NUP93: variants seen among roughly 807,000 people sequenced by gnomAD.
The protein encoded by NUP93 is nuclear pore complex protein Nup93.
Under a neutral mutation model 107.8 loss-of-function variants are expected in NUP93, and 55 were observed. The ratio of observed to expected loss-of-function variants is 0.51; its 90% CI spans 0.41 to 0.64. The LOEUF is 0.64. NUP93 is among the 30% of genes least tolerant of loss of function. The pLI, the probability that NUP93 is intolerant of heterozygous loss-of-function variation, is 0.00. For missense variants in NUP93, 937 were observed against 1,044.7 expected, an observed-to-expected ratio of 0.90 and a Z score of 1.42; for synonymous variants, 390 against 397.5, an observed-to-expected ratio of 0.98 and a Z score of 0.22.
intron 21 of NUP93, 21 bp from the exon 22 acceptor site, chr16:56,844,469 TTTCCTTCCC>T: frequency 7.5e-7 from 1 of 1,334,106 alleles, no homozygotes; most frequent in Non-Finnish European, 1.0e-6. Flanking sequence ...AGTTAACCGA[TTTCCTTCCC>T]TTCCTTCCCT....
intron 3 of NUP93, among the ~76,000 whole-genome samples, chr16:56,765,805 T>C (rs1444345379): frequency 6.6e-6 from 1 of 152,248 alleles, no homozygotes; most frequent in Admixed American, 6.5e-5. Context: ...AGAGGCAGGC[T>C]AATGTGCCAT....
intron 1 of NUP93, among the ~76,000 whole-genome samples, chr16:56,730,546 C>T (rs1303824210): frequency 2.0e-5 from 3 of 152,158 alleles, no homozygotes; most frequent in African/African-American, 7.2e-5. Flanking sequence ...GCCCACCCTG[C>T]CTAAGCCTGC....
intron 3 of NUP93, among the ~76,000 whole-genome samples, chr16:56,760,989 C>T (rs1962116901): frequency 1.3e-5 from 2 of 152,028 alleles, no homozygotes; most frequent in Admixed American, 6.6e-5. Flanking sequence ...CCAGAAACAA[C>T]TCACCTCTTC....
Position 56,849,536 on chromosome 16 carries a change from T to G in NUP93, c.*4927T>G, listed in dbSNP as rs777949532. The G allele has an allele frequency of 6.6e-6, 1 of 152,232 alleles. No homozygotes were observed. The highest frequency in any genetic ancestry group is 1.5e-5 in the Non-Finnish European group (1 of 68,050). 9.4% of individuals were successfully genotyped at this position (152,232 alleles called of 1,614,324 possible). A position where few individuals can be genotyped will look rare whatever the true frequency, so the allele number is the denominator to read the frequency against. On this transcript the variant is annotated 3_prime_UTR_variant, in exon 22 of 22. Transcript: ENST00000308159. ...GGACTTCAGCATCAGGACATATGCT[T>G]TGGTGGCCTCAGCAGACCTGGCCTA...
chr16:56,818,789 C>T (rs373180971), intron 6 of NUP93, 51 bp downstream of exon 6: 5 of 1,475,752 alleles, frequency 3.4e-6, no homozygotes, highest in Non-Finnish European at 4.7e-6. Flanking sequence ...TTGTGAACCT[C>T]TAGGGAGTAA....
chr16:56,808,736 T>TA (rs71149701), intron 5 of NUP93, among the ~76,000 whole-genome samples: 121,291 of 138,010 alleles, frequency 0.88, 53,608 homozygotes, highest in East Asian at 0.99. Flanking sequence ...AATACATATA[T>TA]AAAATACATA....
chr16:56,836,747 C>G (rs772135132), intron 17 of NUP93, 30 bp downstream of exon 17: 1 of 1,398,486 alleles, frequency 7.2e-7, no homozygotes, highest in Non-Finnish European at 1.0e-6. Flanking sequence ...TTCTTTTGCA[C>G]TTCACAGGTC....
intron 7 of NUP93, among the ~76,000 whole-genome samples, chr16:56,822,140 G>T (rs1292457747): frequency 6.6e-6 from 1 of 151,366 alleles, no homozygotes; most frequent in Non-Finnish European, 1.5e-5. Context: ...CTACTTGGTG[G>T]GTGGCTAGGA....
chr16:56,799,016 A>T (rs905231812), intron 4 of NUP93, among the ~76,000 whole-genome samples: 3 of 152,192 alleles, frequency 2.0e-5, no homozygotes, highest in African/African-American at 7.2e-5. Context: ...ACCATGCTTT[A>T]TAACTCTGTA....
In NUP93 at chr16:56,805,590, G is replaced by T. The variant is rs746116114; in HGVS notation, c.447G>T (p.Leu149=). The change falls in exon 5 of 22, where the codon CTG becomes CTT. Residue 149 remains leucine, a synonymous_variant. Transcript: ENST00000308159. ...AACAGCGAATTCTGCACACACTGCT[G>T]GCATCAGGAGAAGACGCCCTTGACT... ...QVKQRILHTL[L]ASGEDALDFT... 2 of 1,614,048 alleles carry T rather than the reference G, an allele frequency of 1.2e-6. No homozygotes were observed. The highest frequency in any genetic ancestry group is 2.2e-5 in the South Asian group (2 of 91,062).
chr16:56,811,346 A>G (rs1479065495), intron 5 of NUP93, among the ~76,000 whole-genome samples: 1 of 152,170 alleles, frequency 6.6e-6, no homozygotes, highest in African/African-American at 2.4e-5. Flanking sequence ...CCTTTTCCAT[A>G]TAATTTCCTT....
chr16:56,839,092 G>A, intron 19 of NUP93, 23 bp downstream of exon 19: 1 of 1,541,370 alleles, frequency 6.5e-7, no homozygotes, highest in South Asian at 1.1e-5. Flanking sequence ...AAAGGTGTTT[G>A]AAGTGCAGGT....
intron 3 of NUP93, among the ~76,000 whole-genome samples, chr16:56,763,634 A>G (rs1444533696): frequency 1.3e-5 from 2 of 152,008 alleles, no homozygotes; most frequent in African/African-American, 2.4e-5. Context: ...ATTTCAGTCT[A>G]AGACCCTAAG....
At chr16:56,775,181 G>A (rs1962394807) in intron 3 of NUP93, among the ~76,000 whole-genome samples, 1 of 152,164 alleles carries the variant, frequency 6.6e-6, no homozygotes, top group Admixed American at 6.5e-5. Context: ...GATCACAGAT[G>A]TGAGCCACCG....
At chr16:56,826,632 T>G (rs1963666049) in intron 8 of NUP93, among the ~76,000 whole-genome samples, 1 of 152,090 alleles carries the variant, frequency 6.6e-6, no homozygotes. Flanking sequence ...TGGAAGATGC[T>G]AAAAATAAGA....
At chr16:56,818,350 G>C (rs1963475313) in intron 5 of NUP93, among the ~76,000 whole-genome samples, 1 of 152,188 alleles carries the variant, frequency 6.6e-6, no homozygotes, top group Non-Finnish European at 1.5e-5. Flanking sequence ...AGGTAGAGAG[G>C]GGGCTTGAGA....
At chr16:56,738,945 C>CT (rs35518694) in intron 1 of NUP93, among the ~76,000 whole-genome samples, 32,216 of 131,710 alleles carry the variant, frequency 0.24, 4,199 homozygotes, top group Middle Eastern at 0.38. Context: ...TGCTAAATTT[C>CT]TTTTTTTTTT....
At chr16:56,781,786 A>T (rs1448234770) in intron 3 of NUP93, 2 of 980,252 alleles carry the variant, frequency 2.0e-6, no homozygotes, top group Non-Finnish European at 2.4e-6. Context: ...TTAACTTGGT[A>T]CAGTCCGTTA....
chr16:56,829,190 G>A, intron 9 of NUP93, 81 bp downstream of exon 9: 3 of 1,509,202 alleles, frequency 2.0e-6, no homozygotes, highest in Non-Finnish European at 2.7e-6. Flanking sequence ...TAAAATGAGG[G>A]TATCTGTGGA....
Sources: allele counts gnomAD v4.1 joint callset (sites outside exome capture counted in the v4.1 genomes callset), GRCh38; gene constraint gnomAD v4.1.1; transcripts MANE v1.5; gene names NCBI Gene and HGNC (gene_info 2026-07-23, HGNC 2026-07-21).